Variants in FOCAD observed in about 807,000 individuals in gnomAD.
FOCAD encodes focadhesin, also known as KIAA1797.
Under a neutral mutation model 225.6 loss-of-function variants are expected in FOCAD, and 198 were observed. The ratio of observed to expected loss-of-function variants is 0.88; its 90% confidence interval spans 0.78 to 0.99. The LOEUF is 0.99. Among genes scored for constraint, FOCAD ranks in the 50% least tolerant of loss-of-function variants. FOCAD has a pLI of 0.00. For missense variants in FOCAD, 2,713 were observed against 2,123.6 expected, an observed-to-expected ratio of 1.28 and a Z score of -5.46; for synonymous variants, 897 against 755.0, an observed-to-expected ratio of 1.19 and a Z score of -3.08.
chr9:20,866,093 A>C (rs886786710), intron 17 of FOCAD, 117 bp downstream of exon 17: 4 of 836,804 alleles, frequency 4.8e-6, no homozygotes, highest in Non-Finnish European at 7.4e-6. Flanking sequence ...TGGGTTCCCA[A>C]TTTTTAAAAA....
At chr9:20,671,975 G>A (rs866491390) in intron 2 of FOCAD, among the ~76,000 whole-genome samples, 3 of 151,174 alleles carry the variant, frequency 2.0e-5, no homozygotes, top group African/African-American at 2.4e-5. Flanking sequence ...ATCAGCAACC[G>A]TTGTAGTTTT....
chr9:20,895,721 T>G (rs1832024082), intron 21 of FOCAD, among the ~76,000 whole-genome samples: 1 of 151,924 alleles, frequency 6.6e-6, no homozygotes, highest in Non-Finnish European at 1.5e-5. Flanking sequence ...TATTGTAACC[T>G]TGTATCTTGC....
chr9:20,922,871 C>T (rs1834578891), intron 24 of FOCAD, among the ~76,000 whole-genome samples: 1 of 152,096 alleles, frequency 6.6e-6, no homozygotes, highest in African/African-American at 2.4e-5. Flanking sequence ...ATAGGATCAG[C>T]TTGGAATTAT....
At chr9:20,845,738 C>G (rs941847652) in intron 15 of FOCAD, among the ~76,000 whole-genome samples, 1 of 151,984 alleles carries the variant, frequency 6.6e-6, no homozygotes, top group African/African-American at 2.4e-5. Context: ...GCTGCTTTCT[C>G]TATAAGCTTT....
chr9:20,736,036 C>A (rs1288473142), intron 4 of FOCAD, among the ~76,000 whole-genome samples: 2 of 152,160 alleles, frequency 1.3e-5, no homozygotes, highest in Non-Finnish European at 2.9e-5. Flanking sequence ...GTATTTTACT[C>A]ACTTTTTTGG....
At chr9:20,815,214 A>G (rs1269761625) in intron 11 of FOCAD, among the ~76,000 whole-genome samples, 3 of 131,298 alleles carry the variant, frequency 2.3e-5, no homozygotes, top group East Asian at 2.2e-4. Context: ...AGCTTGCTGC[A>G]CCCTCTGCCT....
Position 20,866,917 on chromosome 9 carries a change from T to TTTTTTTAAAAAA in FOCAD, c.2107-12_2107-11insTTTTTTAAAAAA. 2.6e-6 allele frequency: 2 copies of TTTTTTTAAAAAA among 764,972 alleles called. No homozygotes were observed. The highest frequency in any genetic ancestry group is 4.0e-6 in the Non-Finnish European group (2 of 498,468). 47.4% of individuals were successfully genotyped at this position (764,972 alleles called of 1,614,324 possible). A position where few individuals can be genotyped will look rare whatever the true frequency, so the allele number is the denominator to read the frequency against. On this transcript the variant is annotated splice_polypyrimidine_tract_variant and intron_variant, in intron 17 of 43. Coordinates refer to ENST00000338382, the MANE Select transcript of FOCAD (RefSeq NM_001375567.1). The stretch of plus-strand genomic sequence containing the variant: ...TTTTTTTTTTTTTTTTTTTTTTTTT[T>TTTTTTTAAAAAA]ACCCTATCTAGGACCCAATTGTAGC...
chr9:20,807,026 C>T (rs1164758344), intron 11 of FOCAD, among the ~76,000 whole-genome samples: 1 of 152,082 alleles, frequency 6.6e-6, no homozygotes, highest in Non-Finnish European at 1.5e-5. Flanking sequence ...GTATGTTTTC[C>T]TGTCTTTAAA....
chr9:20,930,696 G>A (rs1334475451), intron 27 of FOCAD, among the ~76,000 whole-genome samples: 1 of 152,142 alleles, frequency 6.6e-6, no homozygotes, highest in African/African-American at 2.4e-5. Flanking sequence ...AGAAACATCT[G>A]TCAGATGATT....
intron 1 of FOCAD, among the ~76,000 whole-genome samples, chr9:20,686,403 C>T (rs1460467898): frequency 2.0e-5 from 3 of 152,130 alleles, no homozygotes; most frequent in Non-Finnish European, 4.4e-5. Flanking sequence ...GTGATCCCTC[C>T]GCGTTGGTGT....
intron 10 of FOCAD, among the ~76,000 whole-genome samples, chr9:20,786,465 C>T (rs566838586): frequency 2.6e-5 from 4 of 152,100 alleles, no homozygotes; most frequent in Non-Finnish European, 5.9e-5. Context: ...TAGAAAGGCT[C>T]TCTTGAGGGT....
chr9:20,944,680 G>T lies in FOCAD; in HGVS notation c.3461G>T (p.Ser1154Ile), dbSNP rs780886424. The T allele has an allele frequency of 4.3e-6, 7 of 1,614,138 alleles. No individual in the cohort carries two copies. The highest frequency in any genetic ancestry group is 5.1e-6 in the Non-Finnish European group (6 of 1,179,974). The change falls in exon 29 of 44, where the codon AGC (serine) becomes ATC (isoleucine). Residue 1154 changes from serine to isoleucine, a missense_variant. Ser to Ile is a moderately radical substitution (Grantham distance 142, BLOSUM62 -2). Transcript: ENST00000338382. ...GTTCTGTCCCTCATGAGCCACAGCA[G>T]CCAAATGCAGTCCCGCGTTCACGTA... is the stretch of plus-strand genomic sequence containing the variant. ...GLVLSLMSHS[S>I]QMQSRVHVAA...
chr9:20,756,853 T>G (rs577392314), intron 5 of FOCAD, among the ~76,000 whole-genome samples: 1 of 152,348 alleles, frequency 6.6e-6, no homozygotes, highest in African/African-American at 2.4e-5. Context: ...AATTAAAGAC[T>G]AGCTCCGTGT....
At chr9:20,920,785 AGGGAACATCACACTCT>A in intron 24 of FOCAD, among the ~76,000 whole-genome samples, 1 of 150,218 alleles carries the variant, frequency 6.7e-6, no homozygotes, top group East Asian at 2.0e-4. Context: ...GACACAGGAA[AGGGAACATCACACTCT>A]GGGGACTGTT....
At position 20,944,738 on chromosome 9, in the gene FOCAD, A is replaced by G; in HGVS notation, c.3519A>G (p.Val1173=). ...TGCTCCGGAAGCTGTCTGCGCACGT[A>G]GATGACAGCGGGAGCCAGAGCAGAA... ...AALLRKLSAH[V]DDSGSQSRTF... Residue 1173 remains valine, a synonymous_variant, in exon 29 of 44, where the codon GTA becomes GTG. Coordinates refer to ENST00000338382, the MANE Select transcript of FOCAD (RefSeq NM_001375567.1). The G allele has an allele frequency of 2.5e-6, 4 of 1,613,994 alleles. No individual in the cohort carries two copies. Among genetic ancestry groups the G allele is most frequent in the Non-Finnish European group, 3.4e-6 (4 of 1,179,896 alleles).
chr9:20,858,007 A>G (rs1452326665), intron 15 of FOCAD, among the ~76,000 whole-genome samples: 1 of 151,574 alleles, frequency 6.6e-6, no homozygotes, highest in Admixed American at 6.6e-5. Flanking sequence ...CATTTTGTTG[A>G]CGTTTCACAT....
At chr9:20,753,136 C>T (rs200837592) in intron 5 of FOCAD, among the ~76,000 whole-genome samples, 91 of 152,200 alleles carry the variant, frequency 6.0e-4, no homozygotes, top group Non-Finnish European at 9.0e-4. Context: ...CTTTTCCTAA[C>T]TGAATACTCT....
At chr9:20,913,332 C>T (rs1363960308) in intron 23 of FOCAD, among the ~76,000 whole-genome samples, 2 of 152,028 alleles carry the variant, frequency 1.3e-5, no homozygotes, top group Non-Finnish European at 2.9e-5. Context: ...GATTACTTCT[C>T]CCCTCCTCTG....
At chr9:20,873,152 A>G (rs1479026403) in intron 18 of FOCAD, among the ~76,000 whole-genome samples, 1 of 152,052 alleles carries the variant, frequency 6.6e-6, no homozygotes, top group Non-Finnish European at 1.5e-5. Flanking sequence ...CTTTTGCATG[A>G]TCATATATTT....
Sources: gnomAD v4.1 joint callset for allele counts (sites outside exome capture counted in the v4.1 genomes callset) on GRCh38, gnomAD v4.1.1 for gene constraint, MANE v1.5 for transcripts, NCBI Gene and HGNC (gene_info 2026-07-23, HGNC 2026-07-21) for gene names.